Variants in AGO2 observed in about 807,000 individuals in gnomAD.
AGO2 encodes the protein argonaute RISC catalytic component 2, also known as protein argonaute-2.
AGO2 carries 5 observed loss-of-function variants against 102.3 expected under a neutral mutation model. The observed-to-expected ratio is 0.05, with a 90% CI of 0.03 to 0.10. The LOEUF (loss-of-function observed/expected upper bound fraction) is 0.10, where lower values mean the gene tolerates loss of function less well. Among genes scored for constraint, AGO2 ranks in the 10% least tolerant of loss-of-function variants. The pLI is 1.00. For missense variants in AGO2, 541 were observed against 1,183.7 expected (o/e 0.46, Z 7.97); for synonymous variants, 449 against 473.1 (o/e 0.95, Z 0.66).
At chr8:140,636,939 C>G (rs1407307847), upstream of AGO2, 7 of 152,194 alleles carry the variant, frequency 4.6e-5, no homozygotes, top group Non-Finnish European at 8.8e-5. Context: ...CCAAAACAGG[C>G]AAAATTAAAC....
intron 3 of AGO2, among the ~76,000 whole-genome samples, chr8:140,563,381 C>T (rs2073233263): frequency 6.6e-6 from 1 of 152,160 alleles, no homozygotes; most frequent in African/African-American, 2.4e-5. Context: ...CAGGCACACG[C>T]CACCAAACTC....
At chr8:140,543,159 A>C (rs531398179) in intron 14 of AGO2, among the ~76,000 whole-genome samples, 1 of 148,230 alleles carries the variant, frequency 6.7e-6, no homozygotes, top group Admixed American at 6.7e-5. Context: ...CAAAACAAAA[A>C]ACAAAAATAG....
chr8:140,635,906 A>AGGGCGGCGCGGCCCGTGTGGCGCGG (rs545085953), upstream of AGO2, among the ~76,000 whole-genome samples: 1 of 134,728 alleles, frequency 7.4e-6, no homozygotes, highest in Non-Finnish European at 1.6e-5. Context: ...ACGAGGGCCG[A>AGGGCGGCGCGGCCCGTGTGGCGCGG]GGGCGGCGCG....
At chr8:140,578,371 G>C (rs2073499340) in intron 2 of AGO2, among the ~76,000 whole-genome samples, 1 of 152,216 alleles carries the variant, frequency 6.6e-6, no homozygotes, top group Non-Finnish European at 1.5e-5. Context: ...CCATGCTGTT[G>C]TGCGACCATC....
chr8:140,545,427 G>T (rs1463591209), intron 13 of AGO2, among the ~76,000 whole-genome samples: 1 of 152,046 alleles, frequency 6.6e-6, no homozygotes, highest in African/African-American at 2.4e-5. Context: ...TCCCATCTCC[G>T]CTGCTGGTTC....
intron 2 of AGO2, among the ~76,000 whole-genome samples, chr8:140,577,322 C>A (rs1218213723): frequency 6.8e-6 from 1 of 147,874 alleles, no homozygotes; most frequent in African/African-American, 2.5e-5. Flanking sequence ...CAGGCAAAAA[C>A]AATCTACACT....
intron 1 of AGO2, among the ~76,000 whole-genome samples, chr8:140,617,231 C>A (rs1362062254): frequency 6.6e-6 from 1 of 152,158 alleles, no homozygotes; most frequent in Non-Finnish European, 1.5e-5. Flanking sequence ...TTGACCTGTT[C>A]AATCTCAGTG....
chr8:140,608,573 G>A (rs889416898), intron 1 of AGO2, among the ~76,000 whole-genome samples: 12 of 152,200 alleles, frequency 7.9e-5, no homozygotes, highest in African/African-American at 2.2e-4. Flanking sequence ...AGCAGACACC[G>A]TGGACGGAGC....
At chr8:140,617,774 T>C (rs922264019) in intron 1 of AGO2, among the ~76,000 whole-genome samples, 4 of 152,068 alleles carry the variant, frequency 2.6e-5, no homozygotes, top group Non-Finnish European at 4.4e-5. Context: ...CCCAGCACTT[T>C]AGGAAGCTGA....
At position 140,541,554 on chromosome 8, in the gene AGO2, C is replaced by T. The variant is rs561191160; in HGVS notation, c.1840-196G>A. 1.5e-4 allele frequency: 79 copies of T among 523,372 alleles called. No individual in the cohort carries two copies. In the South Asian group the frequency reaches 2.1e-3, roughly 14 times the overall value. The allele number at this position is 523,372 out of a possible 1,614,324, so 32.4% of individuals were successfully genotyped here. On this transcript the variant is annotated intron_variant, in intron 14 of 18. Transcript: ENST00000220592. The stretch of plus-strand genomic sequence containing the variant: ...TGTCTGGCAATAGTGTTCGTAAATA[C>T]GTACTGAAGTACAAAAGTTTGCCAA...
At chr8:140,536,490 C>G (rs1040327449) in intron 16 of AGO2, among the ~76,000 whole-genome samples, 13 of 151,996 alleles carry the variant, frequency 8.6e-5, no homozygotes, top group Admixed American at 1.3e-4. Context: ...CCACGGCCGG[C>G]TAATTTTTGT....
chr8:140,540,990 C>T lies in AGO2; in HGVS notation c.2034+174G>A, dbSNP rs2072787301. On this transcript the variant is annotated intron_variant, in intron 15 of 18. Coordinates refer to ENST00000220592, the MANE Select transcript of AGO2 (RefSeq NM_012154.5). This position sits in a 1 kb window ranked among gnomAD's most constrained non-coding sequence, Gnocchi z 5.0. ...TCAGTGTCATGTGTTAGGGTCTCGA[C>T]AGCCCCGTGTCCCATCTCCTCCCCT... is the stretch of plus-strand genomic sequence containing the variant. Among the ~76,000 whole-genome samples, 1 of 152,076 alleles carries T rather than the reference C, an allele frequency of 6.6e-6. No individual in the cohort carries two copies.
Position 140,524,185 on chromosome 8 carries a change from A to G in AGO2, c.*7859T>C, listed in dbSNP as rs919626257. The G allele has an allele frequency of 1.3e-5, 2 of 152,210 alleles. No homozygotes were observed. Among genetic ancestry groups the G allele is most frequent in the African/African-American group, 4.8e-5 (2 of 41,436 alleles). The allele number at this position is 152,210 out of a possible 1,614,324, so 9.4% of individuals were successfully genotyped here. On this transcript the variant is annotated 3_prime_UTR_variant, in exon 19 of 19. Transcript: ENST00000220592. ...GTCACAGGACTGAATAGCACCTTACAGCTGAGGACTTCACACACACACATT... is the reference window on the plus strand; with the variant it reads ...GTCACAGGACTGAATAGCACCTTACGGCTGAGGACTTCACACACACACATT...
In AGO2 at chr8:140,522,749, G is replaced by GA. The variant is rs1274709082; in HGVS notation, c.*9294_*9295insT. ...GGGGAGAGAGAGAGAGAGAGAGAGA[G>GA]GTGTATCACTGAATGCTTCCCTTTA... On this transcript the variant is annotated 3_prime_UTR_variant, in exon 19 of 19. Transcript: ENST00000220592. 3 of 149,418 alleles carry GA rather than the reference G, an allele frequency of 2.0e-5. No individual in the cohort carries two copies. Among genetic ancestry groups the GA allele is most frequent in the Non-Finnish European group, 4.5e-5 (3 of 67,230 alleles). The allele number at this position is 149,418 out of a possible 1,614,324, so 9.3% of individuals were successfully genotyped here. A position where few individuals can be genotyped will look rare whatever the true frequency, so the allele number is the denominator to read the frequency against.
chr8:140,557,021 C>A lies in AGO2; in HGVS notation c.1026+68G>T. ...CTGGGGCCTCGGCGGTTTCTCGAAGCTGCATGCCCCAGCCTGGGACGCCGC... is the reference window on the plus strand; with the variant it reads ...CTGGGGCCTCGGCGGTTTCTCGAAGATGCATGCCCCAGCCTGGGACGCCGC... On this transcript the variant is annotated intron_variant, in intron 8 of 18. Transcript: ENST00000220592. This position sits in a 1 kb window ranked among gnomAD's most constrained non-coding sequence, Gnocchi z 5.9. 1 of 1,545,064 alleles carries A rather than the reference C, an allele frequency of 6.5e-7. No individual in the cohort carries two copies. Among genetic ancestry groups the A allele is most frequent in the Non-Finnish European group, 8.7e-7 (1 of 1,144,074 alleles).
In AGO2 at chr8:140,558,549, A is replaced by C; in HGVS notation, c.814T>G (p.Cys272Gly). The change falls in exon 7 of 19, where the codon TGT becomes GGT. Residue 272 changes from cysteine (C) to glycine (G), a missense_variant. By Grantham distance (159) the Cys-to-Gly change is radical. Coordinates refer to ENST00000220592, the MANE Select transcript of AGO2 (RefSeq NM_012154.5). ...CGGTACTTCCTCTTCATCTGCCCAC[A>C]GTGCGTTATCTCCACCTTTAGACCT... The part of the protein sequence containing the change: ...IKGLKVEITH[C>G]GQMKRKYRVC... 6.2e-7 allele frequency: 1 copy of C among 1,614,222 alleles called. No homozygotes were observed. Among genetic ancestry groups the C allele is most frequent in the Non-Finnish European group, 8.5e-7 (1 of 1,180,036 alleles).
chr8:140,638,512 T>G (rs948743540), upstream of AGO2, among the ~76,000 whole-genome samples: 3 of 152,230 alleles, frequency 2.0e-5, no homozygotes, highest in African/African-American at 7.2e-5. Context: ...CAAGGTTCCG[T>G]GGAGCATAAT....
upstream of AGO2, among the ~76,000 whole-genome samples, chr8:140,639,310 T>A (rs1588527101): frequency 2.6e-5 from 4 of 152,066 alleles, no homozygotes; most frequent in South Asian, 8.3e-4. Flanking sequence ...TGAAACCCTG[T>A]CTCTACTAAA....
At chr8:140,599,333 G>A (rs899319448) in intron 1 of AGO2, among the ~76,000 whole-genome samples, 1 of 152,138 alleles carries the variant, frequency 6.6e-6, no homozygotes, top group Non-Finnish European at 1.5e-5. Flanking sequence ...CATGAGACGG[G>A]GGAAGCCAAA....
Sources: allele counts gnomAD v4.1 joint callset (sites outside exome capture counted in the v4.1 genomes callset), GRCh38; gene constraint gnomAD v4.1.1; non-coding constraint Gnocchi (gnomAD v3.1); transcripts MANE v1.5; gene names NCBI Gene and HGNC (gene_info 2026-07-23, HGNC 2026-07-21).